The following NUP155 variants were observed in gnomAD, a reference collection of about 807,000 sequenced individuals.
NUP155 encodes the protein nucleoporin 155.
NUP155 carries 71 observed loss-of-function variants against 180.4 expected under a neutral mutation model. The ratio of observed to expected loss-of-function variants is 0.39; its 90% CI spans 0.33 to 0.48. NUP155 has a LOEUF of 0.48. Ranked by LOEUF, NUP155 falls within the 20% of genes least tolerant of loss-of-function variation. The pLI is 0.91. For missense variants in NUP155, 1,553 were observed against 1,648.9 expected (o/e 0.94, Z 1.01); for synonymous variants, 582 against 559.5 (o/e 1.04, Z -0.57).
At chr5:37,357,280 C>G (rs977945914) in intron 4 of NUP155, among the ~76,000 whole-genome samples, 1 of 151,068 alleles carries the variant, frequency 6.6e-6, no homozygotes, top group Non-Finnish European at 1.5e-5. Context: ...AACTGTAGTC[C>G]CAGCTACTTG....
Position 37,351,357 on chromosome 5 carries a change from C to A in NUP155, c.557-1G>T. The A allele has an allele frequency of 6.2e-7, 1 of 1,608,052 alleles. No individual in the cohort carries two copies. The highest frequency in any genetic ancestry group is 8.5e-7 in the Non-Finnish European group (1 of 1,175,104). Reference sequence around the variant, plus strand: ...AAACTATCATTAAGAACTCCAGAACCTATTTAAGAAAGAATACATAAATCA... The same window carrying A: ...AAACTATCATTAAGAACTCCAGAACATATTTAAGAAAGAATACATAAATCA... On this transcript the variant is annotated splice_acceptor_variant, in intron 5 of 34. Coordinates refer to ENST00000231498, the MANE Select transcript of NUP155 (RefSeq NM_153485.3). LOFTEE classifies it high-confidence loss of function.
At chr5:37,295,298 C>T (rs942916791) in intron 32 of NUP155, among the ~76,000 whole-genome samples, 3 of 152,212 alleles carry the variant, frequency 2.0e-5, no homozygotes, top group Non-Finnish European at 2.9e-5. Flanking sequence ...ATCCGCCAGC[C>T]TCGGCCTCCA....
intron 32 of NUP155, among the ~76,000 whole-genome samples, chr5:37,297,073 T>A (rs943968508): frequency 1.3e-5 from 2 of 152,116 alleles, no homozygotes; most frequent in African/African-American, 4.8e-5. Flanking sequence ...GGCAACACCA[T>A]GAGATCCCTT....
chr5:37,322,954 C>T (rs113531302), intron 20 of NUP155, among the ~76,000 whole-genome samples: 20,011 of 150,426 alleles, frequency 0.13, 1,379 homozygotes, highest in African/African-American at 0.17. Flanking sequence ...GCCTGGGCGA[C>T]AAGAGCGAAA....
In NUP155 at chr5:37,324,025, G is replaced by A. The variant is rs773555914; in HGVS notation, c.2174C>T (p.Ser725Phe). 1.9e-6 allele frequency: 3 copies of A among 1,613,094 alleles called. No homozygotes were observed. The highest frequency in any genetic ancestry group is 1.7e-6 in the Non-Finnish European group (2 of 1,179,188). ...KGLQEFLDRNSQFAGGPLGNP... is the reference protein window; with the variant it reads ...KGLQEFLDRNFQFAGGPLGNP... ...TCCTAATGGTCCTCCTGCAAACTGG[G>A]AGTTTCTGTCTAGAAATTCCTGCAA... is the stretch of plus-strand genomic sequence containing the variant. The change falls in exon 20 of 35, where the codon TCC becomes TTC. Residue 725 changes from serine (S) to phenylalanine (F), a missense_variant. Transcript: ENST00000231498.
At chr5:37,329,033 T>C (rs769358561) in intron 16 of NUP155, among the ~76,000 whole-genome samples, 157 bp downstream of exon 16, 11 of 152,232 alleles carry the variant, frequency 7.2e-5, no homozygotes, top group Non-Finnish European at 1.6e-4. Flanking sequence ...TCAATATTAA[T>C]AGATCACTTT....
intron 12 of NUP155, among the ~76,000 whole-genome samples, chr5:37,334,151 G>C (rs1745161939): frequency 6.6e-6 from 1 of 151,398 alleles, no homozygotes; most frequent in South Asian, 2.1e-4. Flanking sequence ...ACCTAAGCTG[G>C]AGTGCGCTGG....
chr5:37,363,833 T>TAC, intron 3 of NUP155, 55 bp downstream of exon 3: 1 of 1,158,466 alleles, frequency 8.6e-7, no homozygotes. Flanking sequence ...CTAGCTACAG[T>TAC]AAAGTTTATA....
rs778125130 is a variant in NUP155, at chr5:37,298,998, CATTT to C, written c.3683-24_3683-21del. On this transcript the variant is annotated intron_variant, in intron 31 of 34. Transcript: ENST00000231498. The stretch of plus-strand genomic sequence containing the variant: ...TCAATTCTGTAACAAAAAGACATGT[CATTT>C]GAAACCCAAATTACTTTTAATGTGA... 1 of 1,337,344 alleles carries C rather than the reference CATTT, an allele frequency of 7.5e-7. No individual in the cohort carries two copies. Among genetic ancestry groups the C allele is most frequent in the East Asian group, 2.3e-5 (1 of 43,600 alleles). 82.8% of individuals were successfully genotyped at this position (1,337,344 alleles called of 1,614,324 possible).
intron 12 of NUP155, among the ~76,000 whole-genome samples, chr5:37,335,054 ATGCTGAGGCAGGAGAAC>A (rs1317528451): frequency 2.6e-5 from 4 of 151,078 alleles, no homozygotes; most frequent in Non-Finnish European, 5.9e-5. Flanking sequence ...GCTACTCTGG[ATGCTGAGGCAGGAGAAC>A]TGCTTGAGCC....
At position 37,304,763 on chromosome 5, in the gene NUP155, G is replaced by T; in HGVS notation, c.3138C>A (p.Val1046=). The change falls in exon 27 of 35, where the codon GTC becomes GTA. Residue 1046 remains valine (V), a synonymous_variant. Transcript: ENST00000231498. ...CCTGTAGCAGCTTATCTGCAAGGTC[G>T]ACTTGTATTAGCCAATTATAAAGGG... is the stretch of plus-strand genomic sequence containing the variant. ...SIALYNWLIQ[V]DLADKLLQVA... The T allele has an allele frequency of 6.2e-7, 1 of 1,612,364 alleles. No individual in the cohort carries two copies. The highest frequency in any genetic ancestry group is 1.1e-5 in the South Asian group (1 of 91,002).
At chr5:37,368,506 T>C (rs988201094) in intron 1 of NUP155, among the ~76,000 whole-genome samples, 7 of 152,038 alleles carry the variant, frequency 4.6e-5, no homozygotes, top group African/African-American at 1.7e-4. Context: ...GTGCTGAGAC[T>C]ATTGGGCTGA....
chr5:37,318,853 A>T (rs1694244703), intron 20 of NUP155, among the ~76,000 whole-genome samples: 1 of 152,250 alleles, frequency 6.6e-6, no homozygotes, highest in Non-Finnish European at 1.5e-5. Flanking sequence ...AAAAAATTTC[A>T]AAGTAAACAC....
intron 27 of NUP155, 71 bp from the exon 28 acceptor site, chr5:37,303,485 T>G: frequency 7.7e-7 from 1 of 1,305,170 alleles, no homozygotes; most frequent in Non-Finnish European, 1.1e-6. Context: ...AAGGAAAATA[T>G]AGTATTTTTA....
intron 25 of NUP155, 59 bp downstream of exon 25, chr5:37,307,235 CATT>C (rs1476334084): frequency 2.2e-6 from 3 of 1,360,710 alleles, no homozygotes; most frequent in Non-Finnish European, 3.1e-6. Context: ...AAACAAAAAA[CATT>C]ATGCAAAGAA....
At chr5:37,326,269 G>T (rs1456519408) in intron 18 of NUP155, among the ~76,000 whole-genome samples, 2 of 152,132 alleles carry the variant, frequency 1.3e-5, no homozygotes, top group African/African-American at 2.4e-5. Context: ...CAAATGAGAT[G>T]AATGAAATCA....
At chr5:37,328,788 AG>A (rs1744773225) in intron 16 of NUP155, among the ~76,000 whole-genome samples, 1 of 152,154 alleles carries the variant, frequency 6.6e-6, no homozygotes, top group African/African-American at 2.4e-5. Flanking sequence ...TACAGGTGTG[AG>A]CCATTGTGCC....
intron 24 of NUP155, among the ~76,000 whole-genome samples, chr5:37,308,699 T>C (rs1284151861): frequency 7.1e-6 from 1 of 140,652 alleles, no homozygotes; most frequent in East Asian, 2.1e-4. Flanking sequence ...TGTCTCAAAA[T>C]AAAAAAAATA....
chr5:37,295,238 G>T (rs1035216088), intron 32 of NUP155, among the ~76,000 whole-genome samples: 3 of 152,116 alleles, frequency 2.0e-5, no homozygotes, highest in Non-Finnish European at 4.4e-5. Context: ...GGGTGGAGAC[G>T]GGGTTTTGCT....
Sources: allele counts gnomAD v4.1 joint callset (sites outside exome capture counted in the v4.1 genomes callset), GRCh38; gene constraint gnomAD v4.1.1; transcripts MANE v1.5; gene names NCBI Gene and HGNC (gene_info 2026-07-23, HGNC 2026-07-21).